Variants in ZMYM4 observed in about 807,000 individuals in gnomAD.
The protein encoded by ZMYM4 is zinc finger MYM-type containing 4, also known as zinc finger MYM-type protein 4.
In ZMYM4, 31 loss-of-function variants were observed where a neutral mutation model predicts 183.2. The observed-to-expected ratio is 0.17, with a 90% CI of 0.13 to 0.23. The LOEUF is 0.23. ZMYM4 is among the 10% of genes least tolerant of loss of function. ZMYM4 has a pLI of 1.00. For missense variants in ZMYM4, 1,273 were observed against 1,840.3 expected (o/e 0.69, Z 5.64); for synonymous variants, 592 against 631.2 (o/e 0.94, Z 0.93).
At position 35,403,774 on chromosome 1, in the gene ZMYM4, T is replaced by C. The variant is rs561900690; in HGVS notation, c.3529-1249T>C. Among the ~76,000 whole-genome samples, 8 of 146,956 alleles carry C rather than the reference T, an allele frequency of 5.4e-5. No homozygotes were observed. The South Asian group carries it at 1.7e-3, about 31-fold the overall frequency. ...TATGATAGAATTTGTATAATTTCTT[T>C]AACTATGATAGAATTTAACTATGAT... On this transcript the variant is annotated intron_variant, in intron 23 of 29. Transcript: ENST00000314607.
At chr1:35,334,896 T>G (rs1207970392) in intron 2 of ZMYM4, among the ~76,000 whole-genome samples, 5 of 152,220 alleles carry the variant, frequency 3.3e-5, no homozygotes, top group African/African-American at 1.2e-4. Flanking sequence ...TCAGTCTTGT[T>G]TAAGAAAGTT....
chr1:35,270,869 A>G (rs1194355837), intron 1 of ZMYM4, among the ~76,000 whole-genome samples: 2 of 152,150 alleles, frequency 1.3e-5, no homozygotes, highest in African/African-American at 4.8e-5. Flanking sequence ...GTGTTATTTT[A>G]ATGCATTTCA....
At chr1:35,415,795 T>G in intron 28 of ZMYM4, 81 bp downstream of exon 28, 1 of 1,515,486 alleles carries the variant, frequency 6.6e-7, no homozygotes, top group Non-Finnish European at 8.9e-7. Context: ...GAAAGGTAAT[T>G]ATAAATGCTA....
chr1:35,362,853 C>T (rs1643973611), intron 5 of ZMYM4, among the ~76,000 whole-genome samples: 1 of 152,000 alleles, frequency 6.6e-6, no homozygotes, highest in African/African-American at 2.4e-5. Flanking sequence ...CAGGCGTGTA[C>T]CACCACACTG....
chr1:35,333,256 ATTTTT>A (rs60325743), intron 2 of ZMYM4, among the ~76,000 whole-genome samples: 3 of 115,904 alleles, frequency 2.6e-5, no homozygotes, highest in African/African-American at 3.2e-5. Context: ...ATCATACATG[ATTTTT>A]TTTTTTTTTT....
intron 15 of ZMYM4, among the ~76,000 whole-genome samples, chr1:35,391,764 AG>A (rs1199064573): frequency 6.6e-6 from 1 of 152,192 alleles, no homozygotes; most frequent in African/African-American, 2.4e-5. Context: ...GTAGAAAACC[AG>A]GGTATGGTGG....
chr1:35,269,125 G>C (rs1375144796), intron 1 of ZMYM4, 40 bp downstream of exon 1: 2 of 1,543,420 alleles, frequency 1.3e-6, no homozygotes, highest in African/African-American at 1.4e-5. Flanking sequence ...CGGGGGGCGG[G>C]GCGCGGCCCG....
rs774361594 is a variant in ZMYM4 at position 35,405,089 on chromosome 1, T to C, written c.3595T>C (p.Ser1199Pro). The change falls in exon 24 of 30, where the codon TCA (serine) becomes CCA (proline). Residue 1199 changes from serine (S) to proline (P), a missense_variant. Physicochemically the swap from Ser to Pro is moderately conservative, Grantham distance 74. This residue lies in a region of ZMYM4 where 133 missense variants were observed against 155.7 expected (regional missense o/e 0.85). Transcript: ENST00000314607. ...TATTCAAGGAGCCTTTCAAGGCTGC[T>C]CAGTGTCCGGGATGACACTGAAATA... ...SLIQGAFQGCSVSGMTLKYMY... is the reference protein window; with the variant it reads ...SLIQGAFQGCPVSGMTLKYMY... 1.2e-6 allele frequency: 2 copies of C among 1,614,070 alleles called. No individual in the cohort carries two copies. Among genetic ancestry groups the C allele is most frequent in the South Asian group, 2.2e-5 (2 of 91,072 alleles).
chr1:35,379,247 C>G (rs1000362972), intron 7 of ZMYM4, among the ~76,000 whole-genome samples: 3 of 152,070 alleles, frequency 2.0e-5, no homozygotes, highest in African/African-American at 7.3e-5. Context: ...ACTACAGTCA[C>G]GCGCCACCAC....
intron 1 of ZMYM4, among the ~76,000 whole-genome samples, chr1:35,289,271 CAG>C (rs1640647481): frequency 6.6e-6 from 1 of 152,068 alleles, no homozygotes; most frequent in Admixed American, 6.6e-5. Flanking sequence ...AGATGGGAAA[CAG>C]AGGGTCAGTT....
chr1:35,407,025 C>A (rs1455358547), intron 25 of ZMYM4, among the ~76,000 whole-genome samples: 1 of 152,218 alleles, frequency 6.6e-6, no homozygotes, highest in East Asian at 1.9e-4. Context: ...GTCCCCTGAA[C>A]CTTTGCAGCC....
At chr1:35,347,103 T>G (rs1297566293) in intron 2 of ZMYM4, among the ~76,000 whole-genome samples, 1 of 152,192 alleles carries the variant, frequency 6.6e-6, no homozygotes, top group Non-Finnish European at 1.5e-5. Flanking sequence ...CCTCCCGGGT[T>G]CAAGCAGTTC....
chr1:35,407,678 T>G (rs1463455693), intron 25 of ZMYM4, among the ~76,000 whole-genome samples: 1 of 152,210 alleles, frequency 6.6e-6, no homozygotes, highest in Admixed American at 6.5e-5. Context: ...CCTATCTACC[T>G]GTTTAACTCT....
chr1:35,292,799 G>T (rs528026334), intron 1 of ZMYM4, among the ~76,000 whole-genome samples: 1 of 151,870 alleles, frequency 6.6e-6, no homozygotes, highest in African/African-American at 2.4e-5. Context: ...CGCGCCCTGC[G>T]ATTTAGTTGT....
chr1:35,292,054 A>G (rs1182091017), intron 1 of ZMYM4: 1 of 152,224 alleles, frequency 6.6e-6, no homozygotes, highest in Non-Finnish European at 1.5e-5. Context: ...CTGAAGCCCA[A>G]GATAGAGATT....
chr1:35,361,058 G>C, intron 3 of ZMYM4, 136 bp from the exon 4 acceptor site: 1 of 651,498 alleles, frequency 1.5e-6, no homozygotes, highest in Non-Finnish European at 2.4e-6. Flanking sequence ...GGGTGTTTTT[G>C]GGACCCAGTT....
At chr1:35,381,091 C>A (rs1644448483) in intron 7 of ZMYM4, among the ~76,000 whole-genome samples, 168 bp from the exon 8 acceptor site, 1 of 151,998 alleles carries the variant, frequency 6.6e-6, no homozygotes, top group African/African-American at 2.4e-5. Flanking sequence ...ATTTAAGGAT[C>A]AAAGCAATTT....
chr1:35,275,901 T>C (rs1414807655), intron 1 of ZMYM4, among the ~76,000 whole-genome samples: 2 of 152,222 alleles, frequency 1.3e-5, no homozygotes, highest in African/African-American at 4.8e-5. Context: ...ATAGTTCTTA[T>C]CCAACCTTCT....
At chr1:35,318,219 TG>T (rs1340959979) in intron 1 of ZMYM4, among the ~76,000 whole-genome samples, 2 of 151,714 alleles carry the variant, frequency 1.3e-5, no homozygotes, top group African/African-American at 2.4e-5. Flanking sequence ...CCACCATGCC[TG>T]GCAATTTTTG....
Sources: allele counts gnomAD v4.1 joint callset (sites outside exome capture counted in the v4.1 genomes callset), GRCh38; gene constraint gnomAD v4.1.1; regional missense constraint gnomAD v4.1.1; transcripts MANE v1.5; gene names NCBI Gene and HGNC (gene_info 2026-07-23, HGNC 2026-07-21).